Variants in DHRS4L2 observed in about 807,000 individuals in gnomAD.
DHRS4L2 encodes the protein dehydrogenase/reductase SDR family member 4-like 2.
In DHRS4L2, 22 loss-of-function variants were observed where a neutral mutation model predicts 23.9. The observed-to-expected ratio is 0.92, with a 90% CI of 0.66 to 1.31. The LOEUF is 1.31. Ranked by LOEUF, DHRS4L2 falls within the 40% of genes most tolerant of loss-of-function variation. The probability of loss-of-function intolerance (pLI) is 0.00; values close to 1 mark genes in which losing one functional copy is unlikely to be tolerated. For synonymous variants in DHRS4L2, 141 were observed against 123.7 expected (o/e 1.14, Z -0.93); for missense variants, 385 against 303.3 (o/e 1.27, Z -2.00).
chr14:23,987,098 G>A (rs559536681), upstream of DHRS4L2: 17 of 249,752 alleles, frequency 6.8e-5, no homozygotes, highest in East Asian at 5.3e-4. Context: ...TTACTTGCTC[G>A]CCATACACCC....
At chr14:23,985,254 C>T (rs1566490824), upstream of DHRS4L2, among the ~76,000 whole-genome samples, 1 of 151,522 alleles carries the variant, frequency 6.6e-6, no homozygotes, top group Non-Finnish European at 1.5e-5. Context: ...GCCTTTGGCT[C>T]CCTACATTAA....
At chr14:23,984,968 G>A (rs148320924), upstream of DHRS4L2, among the ~76,000 whole-genome samples, 25 of 151,446 alleles carry the variant, frequency 1.7e-4, no homozygotes, top group East Asian at 1.7e-3. Context: ...ATACCCCTTC[G>A]TATTTACTGA....
chr14:23,974,855 T>G (rs192001122), intron 1 of DHRS4L2, among the ~76,000 whole-genome samples: 4 of 151,988 alleles, frequency 2.6e-5, no homozygotes, highest in African/African-American at 9.7e-5. Flanking sequence ...TCTGAAACTA[T>G]ACCGATCAAT....
intron 3 of DHRS4L2, among the ~76,000 whole-genome samples, chr14:23,995,740 A>C (rs2332155): frequency 1.3e-5 from 2 of 150,978 alleles, no homozygotes; most frequent in South Asian, 2.1e-4. Flanking sequence ...CATTATATTC[A>C]TAATATATTT....
chr14:23,969,961 G>C (rs1176232268), exon 1 of DHRS4L2: 2 of 454,272 alleles, frequency 4.4e-6, no homozygotes, highest in East Asian at 1.4e-4. Flanking sequence ...AACCGCCACT[G>C]TCTGGAGCGG....
intron 1 of DHRS4L2, among the ~76,000 whole-genome samples, chr14:23,974,769 A>G (rs1299185554): frequency 6.6e-6 from 1 of 151,876 alleles, no homozygotes; most frequent in African/African-American, 2.4e-5. Context: ...AGCCTACCAA[A>G]CCAAAAAAGT....
upstream of DHRS4L2, among the ~76,000 whole-genome samples, chr14:23,987,604 T>C (rs1181606764): frequency 1.3e-5 from 2 of 151,684 alleles, no homozygotes; most frequent in Non-Finnish European, 2.9e-5. Flanking sequence ...ATTTCACCAA[T>C]AACACATCTC....
In DHRS4L2 at chr14:23,997,639, C is replaced by T. The variant is rs373400093; in HGVS notation, c.408+2506C>T. Among the ~76,000 whole-genome samples, 7 of 139,614 alleles carry T rather than the reference C, an allele frequency of 5.0e-5. 1 individual carries two copies. Among genetic ancestry groups the T allele is most frequent in the East Asian group, 2.1e-4 (1 of 4,816 alleles). 91.6% of individuals were successfully genotyped at this position (139,614 alleles called of 152,430 possible). A position where few individuals can be genotyped will look rare whatever the true frequency, so the allele number is the denominator to read the frequency against. Reference sequence around the variant, plus strand: ...AAACCACTTTCTTTGCTTATCCGTACGAACCAGCTCCTCAGCCATCTACAT... The same window carrying T: ...AAACCACTTTCTTTGCTTATCCGTATGAACCAGCTCCTCAGCCATCTACAT... On this transcript the variant is annotated intron_variant, in intron 3 of 7. Transcript: ENST00000335125.
In DHRS4L2 at chr14:23,982,823, AC is replaced by A. The variant is rs557867461; in HGVS notation, c.-175-7357del. ...AACTGAAACTGGACCCCTTCCTTAC[AC>A]CTTATACAAAAATTAACTCAATTTT... On this transcript the variant is annotated intron_variant, in intron 1 of 5. Coordinates refer to the DHRS4L2 transcript ENST00000534993. Among the ~76,000 whole-genome samples the A allele has an allele frequency of 7.3e-5, 11 of 151,714 alleles. No individual in the cohort carries two copies. The East Asian group carries it at 2.1e-3, about 29-fold the overall frequency.
intron 5 of DHRS4L2, 70 bp downstream of exon 5, chr14:24,001,154 C>G: frequency 6.2e-7 from 1 of 1,609,080 alleles, no homozygotes; most frequent in Non-Finnish European, 8.5e-7. Context: ...TCCTATTACC[C>G]AAAGAAGTTT....
chr14:23,972,483 A>G (rs979870071), intron 1 of DHRS4L2, among the ~76,000 whole-genome samples: 1 of 152,090 alleles, frequency 6.6e-6, no homozygotes, highest in Admixed American at 6.5e-5. Flanking sequence ...GTGGACCCAA[A>G]GAGTGAGCAG....
intron 1 of DHRS4L2, among the ~76,000 whole-genome samples, chr14:23,977,127 G>C (rs80309124): frequency 6.6e-6 from 1 of 151,774 alleles, no homozygotes; most frequent in African/African-American, 2.4e-5. Flanking sequence ...ATTCTAGATA[G>C]AGCAATATCT....
chr14:23,983,766 C>A (rs187809637), intron 1 of DHRS4L2, among the ~76,000 whole-genome samples: 4 of 151,556 alleles, frequency 2.6e-5, no homozygotes, highest in African/African-American at 9.7e-5. Context: ...TCATTCTCAG[C>A]AAACTAACAC....
chr14:23,972,980 C>T (rs1444989358), intron 1 of DHRS4L2, among the ~76,000 whole-genome samples: 1 of 151,960 alleles, frequency 6.6e-6, no homozygotes, highest in African/African-American at 2.4e-5. Context: ...ACATGTCTCG[C>T]CTCCCACCAT....
chr14:23,976,417 A>G (rs898618051), intron 1 of DHRS4L2, among the ~76,000 whole-genome samples: 8 of 151,920 alleles, frequency 5.3e-5, no homozygotes, highest in East Asian at 1.9e-4. Context: ...ACCATCTCAC[A>G]ACACTTAGAA....
In DHRS4L2 at chr14:24,001,405, A is replaced by T. The variant is rs1266693873; in HGVS notation, c.553A>T (p.Ser185Cys). The T allele has an allele frequency of 6.2e-7, 1 of 1,607,672 alleles. No homozygotes were observed. The highest frequency in any genetic ancestry group is 1.4e-5 in the African/African-American group (1 of 70,756). Residue 185 changes from serine (S) to cysteine (C), a missense_variant, in exon 6 of 8, where the codon AGT becomes TGT. Coordinates refer to ENST00000335125, the MANE Select transcript of DHRS4L2 (RefSeq NM_198083.4). ...CCAGGGCTTCAGTCCTTACAATGTCAGTAAAACAGCCTTGCTGGGCCTCAA... is the reference window on the plus strand; with the variant it reads ...CCAGGGCTTCAGTCCTTACAATGTCTGTAAAACAGCCTTGCTGGGCCTCAA... ...PSPGFSPYNV[S>C]KTALLGLNNT...
Position 24,006,171 on chromosome 14 carries a change from G to C in DHRS4L2, c.*308G>C. 2 of 1,331,538 alleles carry C rather than the reference G, an allele frequency of 1.5e-6. No homozygotes were observed. The highest frequency in any genetic ancestry group is 2.0e-6 in the Non-Finnish European group (2 of 1,010,038). 82.5% of individuals were successfully genotyped at this position (1,331,538 alleles called of 1,614,324 possible). ...CTGCCGTCAAGGTGGCGTCTTACTC[G>C]GGATTCCTGCTGTTGTTGTGGCCTT... On this transcript the variant is annotated 3_prime_UTR_variant, in exon 8 of 8. Coordinates refer to ENST00000335125, the MANE Select transcript of DHRS4L2 (RefSeq NM_198083.4).
chr14:23,974,595 C>T (rs1161872441), intron 1 of DHRS4L2, among the ~76,000 whole-genome samples: 2 of 151,808 alleles, frequency 1.3e-5, no homozygotes, highest in Non-Finnish European at 2.9e-5. Flanking sequence ...GAAATACACA[C>T]TACCATCAGA....
At chr14:23,975,257 T>C (rs1256257341) in intron 1 of DHRS4L2, among the ~76,000 whole-genome samples, 1 of 151,786 alleles carries the variant, frequency 6.6e-6, no homozygotes, top group Non-Finnish European at 1.5e-5. Context: ...AAAATCAATG[T>C]GCAAAAATCA....
Sources: allele counts gnomAD v4.1 joint callset (sites outside exome capture counted in the v4.1 genomes callset), GRCh38; gene constraint gnomAD v4.1.1; transcripts MANE v1.5; gene names NCBI Gene and HGNC (gene_info 2026-07-23, HGNC 2026-07-21).